The following COBL variants were observed in gnomAD, a reference collection of about 807,000 sequenced individuals.
The protein encoded by COBL is protein cordon-bleu.
In COBL, 51 loss-of-function variants were observed where a neutral mutation model predicts 98.8. The observed-to-expected ratio is 0.52, with a 90% CI of 0.41 to 0.65. The LOEUF is 0.65. Among genes scored for constraint, COBL ranks in the 30% least tolerant of loss-of-function variants. COBL has a pLI of 0.00. For missense variants in COBL, 1,617 were observed against 1,617.5 expected (o/e 1.00, Z 0.01); for synonymous variants, 634 against 651.7 (o/e 0.97, Z 0.41).
chr7:51,130,237 CG>C (rs1798611504), intron 6 of COBL, among the ~76,000 whole-genome samples: 1 of 152,154 alleles, frequency 6.6e-6, no homozygotes, highest in Non-Finnish European at 1.5e-5. Flanking sequence ...GAGCCTCAGC[CG>C]ACCTGAGTCC....
intron 7 of COBL, among the ~76,000 whole-genome samples, chr7:51,046,424 T>A (rs1295001779): frequency 6.6e-6 from 1 of 152,164 alleles, no homozygotes; most frequent in Non-Finnish European, 1.5e-5. Flanking sequence ...TGTGTTGGTG[T>A]GAGTTTTCAG....
intron 1 of COBL, among the ~76,000 whole-genome samples, chr7:51,289,057 A>G (rs1467464643): frequency 1.3e-5 from 2 of 152,194 alleles, no homozygotes; most frequent in Admixed American, 6.5e-5. Context: ...AGAGCCCTGC[A>G]TAGTCTAAAG....
At chr7:51,027,505 C>T (rs1026319858) in intron 10 of COBL, among the ~76,000 whole-genome samples, 1 of 152,238 alleles carries the variant, frequency 6.6e-6, no homozygotes, top group African/African-American at 2.4e-5. Context: ...TAGCCTCACA[C>T]CCATCCATTT....
intron 1 of COBL, among the ~76,000 whole-genome samples, chr7:51,273,615 C>T (rs1232349714): frequency 6.6e-6 from 1 of 152,182 alleles, no homozygotes; most frequent in Admixed American, 6.5e-5. Flanking sequence ...CCTCAATCAT[C>T]AGCTCTTGCC....
rs1457213141 is a variant in COBL, at chr7:51,017,100, T to C, written c.*451A>G. Reference sequence around the variant, plus strand: ...CATGGAGCATATCACATTCAGATTGTTCCATCTGATTCATATGTTTTTTCT... The same window carrying C: ...CATGGAGCATATCACATTCAGATTGCTCCATCTGATTCATATGTTTTTTCT... On this transcript the variant is annotated 3_prime_UTR_variant, in exon 13 of 13. Transcript: ENST00000265136. The C allele has an allele frequency of 4.7e-6, 2 of 423,768 alleles. No individual in the cohort carries two copies. The highest frequency in any genetic ancestry group is 4.1e-5 in the African/African-American group (2 of 49,122). The allele number at this position is 423,768 out of a possible 1,614,324, so 26.3% of individuals were successfully genotyped here.
At chr7:51,183,835 G>A (rs1400941142) in intron 5 of COBL, among the ~76,000 whole-genome samples, 5 of 152,206 alleles carry the variant, frequency 3.3e-5, no homozygotes, top group African/African-American at 1.2e-4. Context: ...AGGCAGAAGG[G>A]CTCATGGCCC....
intron 7 of COBL, among the ~76,000 whole-genome samples, chr7:51,068,896 T>C (rs1325718185): frequency 1.3e-5 from 2 of 152,260 alleles, no homozygotes; most frequent in Non-Finnish European, 2.9e-5. Context: ...TTTATATTTA[T>C]TGAACTTAAG....
At chr7:51,193,679 G>A (rs907408716) in intron 2 of COBL, 90 bp from the exon 3 acceptor site, 1 of 1,106,030 alleles carries the variant, frequency 9.0e-7, no homozygotes, top group East Asian at 2.5e-5. Flanking sequence ...ATGAACAAGT[G>A]GATGAATGAG....
At chr7:51,061,431 G>A (rs1429320579) in intron 7 of COBL, among the ~76,000 whole-genome samples, 2 of 152,118 alleles carry the variant, frequency 1.3e-5, no homozygotes, top group Non-Finnish European at 2.9e-5. Context: ...TTCTGGAAGG[G>A]ATGAGTGCAT....
At chr7:51,182,816 A>T (rs1399875043) in intron 5 of COBL, among the ~76,000 whole-genome samples, 2 of 152,178 alleles carry the variant, frequency 1.3e-5, no homozygotes, top group African/African-American at 2.4e-5. Flanking sequence ...TCAATCTCTT[A>T]AGTACAAGAG....
chr7:51,103,655 A>C (rs1333777301), intron 6 of COBL, among the ~76,000 whole-genome samples: 1 of 152,224 alleles, frequency 6.6e-6, no homozygotes, highest in African/African-American at 2.4e-5. Flanking sequence ...CATTTCCTCC[A>C]AATGATTAGC....
At chr7:51,191,328 G>A (rs1433969615) in intron 3 of COBL, among the ~76,000 whole-genome samples, 3 of 152,018 alleles carry the variant, frequency 2.0e-5, no homozygotes, top group Admixed American at 2.0e-4. Flanking sequence ...AAACATCAGG[G>A]AAGACTCTAC....
At chr7:51,316,485 G>A (rs546137992) in intron 1 of COBL, 108 bp downstream of exon 1, 4 of 824,402 alleles carry the variant, frequency 4.9e-6, no homozygotes, top group Non-Finnish European at 6.4e-6. Context: ...ACCAGCACCC[G>A]CTGGGGCGGC....
At chr7:51,306,887 G>C (rs1349446991) in intron 1 of COBL, among the ~76,000 whole-genome samples, 1 of 152,188 alleles carries the variant, frequency 6.6e-6, no homozygotes, top group Non-Finnish European at 1.5e-5. Context: ...AAATAGAGCA[G>C]AGCAACATCC....
intron 3 of COBL, 77 bp downstream of exon 3, chr7:51,193,302 A>G: frequency 2.3e-6 from 3 of 1,316,148 alleles, no homozygotes; most frequent in Non-Finnish European, 3.2e-6. Context: ...TACTTTGATA[A>G]GAAGAGCCAC....
At chr7:51,237,987 C>T (rs1405454491) in intron 1 of COBL, among the ~76,000 whole-genome samples, 1 of 152,166 alleles carries the variant, frequency 6.6e-6, no homozygotes, top group Non-Finnish European at 1.5e-5. Flanking sequence ...CAGGGCTACA[C>T]CCTCCAGGGC....
intron 2 of COBL, among the ~76,000 whole-genome samples, chr7:51,212,314 A>G (rs1022030969): frequency 1.3e-5 from 2 of 152,188 alleles, no homozygotes; most frequent in African/African-American, 4.8e-5. Context: ...AGAGCCCTAG[A>G]CAAGAAACGG....
chr7:51,146,597 TAAAAA>T (rs1315995333), intron 5 of COBL, among the ~76,000 whole-genome samples: 1 of 129,614 alleles, frequency 7.7e-6, no homozygotes, highest in Non-Finnish European at 1.5e-5. Context: ...TTGTTGGAAA[TAAAAA>T]GAGGAGACAG....
chr7:51,268,207 A>G (rs1798408483), intron 1 of COBL, among the ~76,000 whole-genome samples: 1 of 152,228 alleles, frequency 6.6e-6, no homozygotes, highest in Non-Finnish European at 1.5e-5. Context: ...ATATGTAACA[A>G]GGAATTTTAT....
Sources: allele counts gnomAD v4.1 joint callset (sites outside exome capture counted in the v4.1 genomes callset), GRCh38; gene constraint gnomAD v4.1.1; transcripts MANE v1.5; gene names NCBI Gene and HGNC (gene_info 2026-07-23, HGNC 2026-07-21).